PCDHGB1: variants seen among roughly 807,000 people sequenced by gnomAD.
The protein encoded by PCDHGB1 is protocadherin gamma-B1.
A neutral mutation model predicts 56.6 loss-of-function variants in PCDHGB1; 34 were observed. That is an observed-to-expected ratio of 0.60 (90% confidence interval 0.46 to 0.80). The LOEUF is 0.80. Ranked by LOEUF, PCDHGB1 falls within the 30% of genes least tolerant of loss-of-function variation. The probability of loss-of-function intolerance (pLI) is 0.00; values close to 1 mark genes in which losing one functional copy is unlikely to be tolerated. For missense variants in PCDHGB1, 1,278 were observed against 1,204.6 expected (o/e 1.06, Z -0.90); for synonymous variants, 561 against 505.9 (o/e 1.11, Z -1.46).
chr5:141,478,509 G>C, intron 1 of PCDHGB1: 1 of 1,611,878 alleles, frequency 6.2e-7, no homozygotes, highest in Non-Finnish European at 8.5e-7. Context: ...GTGTTCTATA[G>C]GCAGGTGTTG....
At chr5:141,365,867 G>A in intron 1 of PCDHGB1, 2 of 1,614,096 alleles carry the variant, frequency 1.2e-6, no homozygotes, top group Non-Finnish European at 1.7e-6. Flanking sequence ...TGACACCGGT[G>A]TCCTGTATGC....
At chr5:141,379,736 T>G (rs1361966211) in intron 1 of PCDHGB1, 1 of 152,178 alleles carries the variant, frequency 6.6e-6, no homozygotes, top group Non-Finnish European at 1.5e-5. Context: ...AAGTTATGGC[T>G]AAATGAGGTT....
chr5:141,382,941 C>T (rs750185010), intron 1 of PCDHGB1: 2 of 1,594,792 alleles, frequency 1.3e-6, no homozygotes, highest in Non-Finnish European at 1.7e-6. Context: ...GAGGATTCTT[C>T]CTGCTCTCCA....
chr5:141,390,176 C>T lies in PCDHGB1; in HGVS notation c.2409+37507C>T, dbSNP rs763410454. The T allele has an allele frequency of 5.6e-6, 9 of 1,614,000 alleles. No individual in the cohort carries two copies. In the East Asian group the frequency reaches 1.1e-4, roughly 20 times the overall value. ...ATACAGGAAAGACGGAGTTTAATTT[C>T]CTAAAATGTAGTGAGCAGTTGAGTT... On this transcript the variant is annotated intron_variant, in intron 1 of 3. Transcript: ENST00000523390.
At chr5:141,360,227 T>C in intron 1 of PCDHGB1, 1 of 1,613,788 alleles carries the variant, frequency 6.2e-7, no homozygotes, top group Non-Finnish European at 8.5e-7. Context: ...GCTCTCCCAG[T>C]CCAGATCCGC....
At chr5:141,410,715 GTT>G (rs2154543204) in intron 1 of PCDHGB1, 19 of 1,422,782 alleles carry the variant, frequency 1.3e-5, no homozygotes, top group Non-Finnish European at 1.8e-5. Context: ...AGAATCATAT[GTT>G]TAAAATCCAT....
At chr5:141,385,414 A>G in intron 1 of PCDHGB1, 1 of 1,472,092 alleles carries the variant, frequency 6.8e-7, no homozygotes. Context: ...GAAAATAGGG[A>G]TTTAAAAAAC....
intron 1 of PCDHGB1, chr5:141,421,253 A>G: frequency 6.2e-7 from 1 of 1,607,298 alleles, no homozygotes; most frequent in South Asian, 1.1e-5. Context: ...CAGCGCGGGG[A>G]CCGCAGTCGG....
At chr5:141,402,908 G>A (rs772824235) in intron 1 of PCDHGB1, 1 of 1,545,226 alleles carries the variant, frequency 6.5e-7, no homozygotes, top group Admixed American at 2.0e-5. Context: ...TGATGAAGCA[G>A]CGCGCACAGA....
intron 1 of PCDHGB1, chr5:141,361,749 C>G: frequency 6.2e-7 from 1 of 1,613,058 alleles, no homozygotes; most frequent in Non-Finnish European, 8.5e-7. Flanking sequence ...GCGACCAGGG[C>G]TCGCCCGCGC....
chr5:141,459,285 A>G (rs1316912878), intron 1 of PCDHGB1, among the ~76,000 whole-genome samples: 1 of 152,202 alleles, frequency 6.6e-6, no homozygotes, highest in Non-Finnish European at 1.5e-5. Context: ...TTTCATCTAA[A>G]TGGAATCCTA....
rs141514361 is a variant in PCDHGB1, at chr5:141,494,629, A to G, written c.2410-178A>G. 4,666 of 858,664 alleles carry G rather than the reference A, an allele frequency of 5.4e-3. 23 individuals are homozygous for G. Among genetic ancestry groups the G allele is most frequent in the Admixed American group, 0.011 (170 of 16,094 alleles). 53.2% of individuals were successfully genotyped at this position (858,664 alleles called of 1,614,324 possible). On this transcript the variant is annotated intron_variant, in intron 1 of 3. Coordinates refer to ENST00000523390, the MANE Select transcript of PCDHGB1 (RefSeq NM_018922.3). ...TATCTCTTGGTTTCTGGTACCTCAGACCTCTGAGACCTGAGGTGTATTTTG... is the reference window on the plus strand; with the variant it reads ...TATCTCTTGGTTTCTGGTACCTCAGGCCTCTGAGACCTGAGGTGTATTTTG...
At chr5:141,510,447 C>T (rs1270073364) in intron 3 of PCDHGB1, among the ~76,000 whole-genome samples, 1 of 152,026 alleles carries the variant, frequency 6.6e-6, no homozygotes, top group Non-Finnish European at 1.5e-5. Flanking sequence ...CTCCAGGAGC[C>T]CATGGTCTAG....
chr5:141,417,699 C>G, intron 1 of PCDHGB1: 1 of 1,164,548 alleles, frequency 8.6e-7, no homozygotes. Context: ...AACCAGCTCC[C>G]ACACAGAGGC....
chr5:141,394,321 C>T lies in PCDHGB1; in HGVS notation c.2409+41652C>T, dbSNP rs11575959. ...ACGCTGCAGGGGGCGCCCCTGTCCT[C>T]GTATATCTCCATCAACTCTGACACC... On this transcript the variant is annotated intron_variant, in intron 1 of 3. Coordinates refer to ENST00000523390, the MANE Select transcript of PCDHGB1 (RefSeq NM_018922.3). 25 of 1,613,846 alleles carry T rather than the reference C, an allele frequency of 1.5e-5. No homozygotes were observed. The Admixed American group carries it at 2.7e-4, about 17-fold the overall frequency.
chr5:141,500,433 T>A (rs1398344932), intron 2 of PCDHGB1, among the ~76,000 whole-genome samples: 17 of 151,882 alleles, frequency 1.1e-4, no homozygotes, highest in East Asian at 7.8e-4. Flanking sequence ...ATGGTCTCGA[T>A]CTCCTGACCT....
At chr5:141,458,727 A>G (rs1424554234) in intron 1 of PCDHGB1, among the ~76,000 whole-genome samples, 1 of 151,570 alleles carries the variant, frequency 6.6e-6, no homozygotes, top group East Asian at 1.9e-4. Flanking sequence ...TCGCCACCAC[A>G]TCCAGCTATT....
At chr5:141,381,826 C>CTTTTTTTTTTTTTTTT (rs770630741) in intron 1 of PCDHGB1, among the ~76,000 whole-genome samples, 8 of 74,282 alleles carry the variant, frequency 1.1e-4, no homozygotes, top group African/African-American at 1.9e-4. Flanking sequence ...CTTTCTTCTT[C>CTTTTTTTTTTTTTTTT]TTTTTTTTTT....
chr5:141,360,653 A>T, intron 1 of PCDHGB1: 1 of 1,614,020 alleles, frequency 6.2e-7, no homozygotes, highest in Non-Finnish European at 8.5e-7. Flanking sequence ...TACCACCTTA[A>T]TGACAACGAG....
Sources: gnomAD v4.1 joint callset for allele counts (sites outside exome capture counted in the v4.1 genomes callset) on GRCh38, gnomAD v4.1.1 for gene constraint, MANE v1.5 for transcripts, NCBI Gene and HGNC (gene_info 2026-07-23, HGNC 2026-07-21) for gene names.